LPP: variants seen among roughly 807,000 people sequenced by gnomAD.
The protein encoded by LPP is lipoma-preferred partner.
Under a neutral mutation model 60.4 loss-of-function variants are expected in LPP, and 38 were observed. That is an observed-to-expected ratio of 0.63 (90% CI 0.49 to 0.83). The LOEUF (loss-of-function observed/expected upper bound fraction) is 0.83, where lower values mean the gene tolerates loss of function less well. Ranked by LOEUF, LPP falls within the 40% of genes least tolerant of loss-of-function variation. The pLI is 0.00. For synonymous variants in LPP, 328 were observed against 290.8 expected, an observed-to-expected ratio of 1.13 and a Z score of -1.30; for missense variants, 902 against 783.6, an observed-to-expected ratio of 1.15 and a Z score of -1.80.
Position 188,609,342 on chromosome 3 carries a change from A to G in LPP, c.611A>G (p.Gln204Arg), listed in dbSNP as rs1843165376. ...ATCGGAACACTCAAACCCCAGCCTCAGCCAGTCCCAGCCTCCTACACCACG... is the reference window on the plus strand; with the variant it reads ...ATCGGAACACTCAAACCCCAGCCTCGGCCAGTCCCAGCCTCCTACACCACG... ...APIGTLKPQP[Q>R]PVPASYTTAS... is the part of the protein sequence containing the mutation. Residue 204 changes from glutamine to arginine, a missense_variant, in exon 7 of 12, where the codon CAG becomes CGG. Physicochemically the swap from Gln to Arg is conservative, Grantham distance 43 (BLOSUM62 1). Transcript: ENST00000617246. The surrounding 1 kb of genome is among the most constrained non-coding windows in gnomAD (Gnocchi z 6.9). The G allele has an allele frequency of 6.2e-7, 1 of 1,614,096 alleles. No homozygotes were observed. The highest frequency in any genetic ancestry group is 8.5e-7 in the Non-Finnish European group (1 of 1,180,012).
intron 2 of LPP, among the ~76,000 whole-genome samples, chr3:188,333,132 C>G (rs1712051692): frequency 6.6e-6 from 1 of 152,092 alleles, no homozygotes; most frequent in African/African-American, 2.4e-5. Context: ...CATAGTATTT[C>G]TCTATTCATC....
intron 7 of LPP, among the ~76,000 whole-genome samples, chr3:188,614,743 T>C (rs1397551794): frequency 6.6e-6 from 1 of 152,200 alleles, no homozygotes. Context: ...ATGCTTTGGA[T>C]GGCAGGAGCT....
chr3:188,857,390 CTT>C (rs1266038526), intron 9 of LPP, among the ~76,000 whole-genome samples: 2 of 152,150 alleles, frequency 1.3e-5, no homozygotes, highest in African/African-American at 4.8e-5. Flanking sequence ...TCTCTTTGTA[CTT>C]TAGAAAACAC....
intron 2 of LPP, among the ~76,000 whole-genome samples, chr3:188,311,289 A>G (rs1405585289): frequency 6.6e-6 from 1 of 152,080 alleles, no homozygotes; most frequent in Admixed American, 6.5e-5. Context: ...ACTGGGCAAC[A>G]TAGTGAGACC....
At chr3:188,680,996 T>C (rs899779875) in intron 7 of LPP, among the ~76,000 whole-genome samples, 1 of 112,266 alleles carries the variant, frequency 8.9e-6, no homozygotes, top group East Asian at 2.7e-4. Flanking sequence ...TGCATTTCCT[T>C]TTTTTTTTTT....
At chr3:188,557,868 C>T (rs190256247) in intron 6 of LPP, among the ~76,000 whole-genome samples, 1 of 151,970 alleles carries the variant, frequency 6.6e-6, no homozygotes, top group East Asian at 1.9e-4. Context: ...TTGAGAGGGC[C>T]CAGTTTCAGT....
At chr3:188,509,867 T>TTTTTG (rs796973640) in intron 5 of LPP, among the ~76,000 whole-genome samples, 1 of 97,046 alleles carries the variant, frequency 1.0e-5, no homozygotes, top group African/African-American at 3.3e-5. Context: ...TAATTTTTTT[T>TTTTTG]TTGTTGTTTT....
At chr3:188,745,824 C>A (rs2150239344) in intron 8 of LPP, among the ~76,000 whole-genome samples, 1 of 152,202 alleles carries the variant, frequency 6.6e-6, no homozygotes. Flanking sequence ...CTGTGGAGTT[C>A]TTTGGAGCAT....
chr3:188,173,949 G>A (rs1171578630), intron 1 of LPP, among the ~76,000 whole-genome samples: 1 of 152,106 alleles, frequency 6.6e-6, no homozygotes, highest in Non-Finnish European at 1.5e-5. Flanking sequence ...TTCCTTATCT[G>A]TAAAGTGGGT....
intron 2 of LPP, among the ~76,000 whole-genome samples, chr3:188,230,569 A>G (rs778108634): frequency 2.6e-5 from 4 of 152,062 alleles, no homozygotes; most frequent in Non-Finnish European, 5.9e-5. Flanking sequence ...AGATCACCTG[A>G]GGTCGGGAGT....
At chr3:188,488,294 A>G (rs754373960) in intron 5 of LPP, among the ~76,000 whole-genome samples, 3 of 152,118 alleles carry the variant, frequency 2.0e-5, no homozygotes, top group African/African-American at 4.8e-5. Context: ...GATATATGCT[A>G]TAAGCTTTTA....
chr3:188,796,436 AC>A (rs965593718), intron 9 of LPP, among the ~76,000 whole-genome samples: 5 of 152,048 alleles, frequency 3.3e-5, no homozygotes, highest in Admixed American at 2.0e-4. Flanking sequence ...ATTTTATACC[AC>A]CCATCCATTA....
chr3:188,829,292 G>A (rs1756503367), intron 9 of LPP, among the ~76,000 whole-genome samples: 1 of 152,056 alleles, frequency 6.6e-6, no homozygotes, highest in Non-Finnish European at 1.5e-5. Context: ...AATGGTCCTT[G>A]TCTCAATGAC....
intron 2 of LPP, among the ~76,000 whole-genome samples, chr3:188,322,702 G>A (rs921949448): frequency 2.6e-5 from 4 of 152,158 alleles, no homozygotes; most frequent in African/African-American, 9.7e-5. Flanking sequence ...TATTGGCCTT[G>A]GAGTCAGACC....
At chr3:188,529,788 G>A (rs1361018214) in intron 6 of LPP, among the ~76,000 whole-genome samples, 1 of 152,144 alleles carries the variant, frequency 6.6e-6, no homozygotes, top group East Asian at 1.9e-4. Flanking sequence ...GTATCAACAG[G>A]TCTTTCCTTT....
At chr3:188,462,790 A>G (rs7652549) in intron 4 of LPP, among the ~76,000 whole-genome samples, 150,818 of 151,762 alleles carry the variant, frequency 0.99, 74,947 homozygotes, top group Middle Eastern at 1. Flanking sequence ...TAATTTACCC[A>G]TTTTTCCAAT....
intron 8 of LPP, among the ~76,000 whole-genome samples, chr3:188,755,848 A>C (rs1730031233): frequency 1.7e-5 from 1 of 60,302 alleles, no homozygotes; most frequent in African/African-American, 6.5e-5. Flanking sequence ...AAAAAAAAAA[A>C]AAAAAAAAAA....
At chr3:188,160,929 A>C (rs1185455825) in intron 1 of LPP, among the ~76,000 whole-genome samples, 1 of 152,248 alleles carries the variant, frequency 6.6e-6, no homozygotes, top group African/African-American at 2.4e-5. Flanking sequence ...ATGGAAAAGA[A>C]GACATTTGGT....
At chr3:188,707,644 G>T (rs1485599129) in intron 7 of LPP, among the ~76,000 whole-genome samples, 2 of 152,170 alleles carry the variant, frequency 1.3e-5, no homozygotes. Flanking sequence ...TCCTGTACTC[G>T]ATAAGATTTA....
Sources: gnomAD v4.1 joint callset for allele counts (sites outside exome capture counted in the v4.1 genomes callset) on GRCh38, gnomAD v4.1.1 for gene constraint, Gnocchi (gnomAD v3.1) non-coding constraint, MANE v1.5 for transcripts, NCBI Gene and HGNC (gene_info 2026-07-23, HGNC 2026-07-21) for gene names.